PRKCI: variants seen among roughly 807,000 people sequenced by gnomAD.
PRKCI encodes the protein protein kinase C iota type.
In PRKCI, 43 loss-of-function variants were observed where a neutral mutation model predicts 84.0. The observed-to-expected ratio is 0.51, with a 90% CI of 0.40 to 0.66. PRKCI has a LOEUF of 0.66. PRKCI is among the 30% of genes least tolerant of loss of function. The pLI is 0.00. For synonymous variants in PRKCI, 216 were observed against 234.4 expected, an observed-to-expected ratio of 0.92 and a Z score of 0.72; for missense variants, 459 against 745.6, an observed-to-expected ratio of 0.62 and a Z score of 4.48.
intron 2 of PRKCI, among the ~76,000 whole-genome samples, chr3:170,242,659 A>T (rs1733165228): frequency 6.6e-6 from 1 of 151,554 alleles, no homozygotes; most frequent in Non-Finnish European, 1.5e-5. Flanking sequence ...TTCCTTTAAC[A>T]TTTCTTTTGT....
rs2108871201 is a variant in PRKCI, at chr3:170,305,907, A to G, written c.*2780A>G. 6.6e-6 allele frequency: 1 copy of G among 151,202 alleles called. No individual in the cohort carries two copies. Among genetic ancestry groups the G allele is most frequent in the South Asian group, 2.1e-4 (1 of 4,806 alleles). 9.4% of individuals were successfully genotyped at this position (151,202 alleles called of 1,614,324 possible). A position where few individuals can be genotyped will look rare whatever the true frequency, so the allele number is the denominator to read the frequency against. ...GTAGAATACTACTGTGGTCATCATA[A>G]TGTAATCTATTTCTGTACCTTTTTT... On this transcript the variant is annotated 3_prime_UTR_variant, in exon 18 of 18. Coordinates refer to ENST00000295797, the MANE Select transcript of PRKCI (RefSeq NM_002740.6).
In PRKCI at chr3:170,299,109, G is replaced by A. The variant is rs145084763; in HGVS notation, c.1702G>A (p.Asp568Asn). ...ACCTGTCCAGCTCACTCCAGATGACGAGTAAGTAATTCTGTACACTGAAAT... is the reference window on the plus strand; with the variant it reads ...ACCTGTCCAGCTCACTCCAGATGACAAGTAAGTAATTCTGTACACTGAAAT... ...NEPVQLTPDD[D>N]DIVRKIDQSE... The change falls in exon 17 of 18, where the codon GAT (aspartate) becomes AAT (asparagine). Residue 568 changes from aspartate to asparagine, a missense_variant and splice_region_variant. By Grantham distance (23) the Asp-to-Asn change is conservative (BLOSUM62 1). Transcript: ENST00000295797. 1.8e-5 allele frequency: 28 copies of A among 1,573,916 alleles called. No individual in the cohort carries two copies. In the African/African-American group the frequency reaches 3.2e-4, roughly 18 times the overall value.
chr3:170,225,486 C>T lies in PRKCI; in HGVS notation c.101+2716C>T, dbSNP rs189396958. Among the ~76,000 whole-genome samples the T allele has an allele frequency of 3.7e-3, 568 of 152,188 alleles. 3 individuals carry two copies. The highest frequency in any genetic ancestry group is 0.013 in the African/African-American group (547 of 41,544). On this transcript the variant is annotated intron_variant, in intron 1 of 17. Coordinates refer to ENST00000295797, the MANE Select transcript of PRKCI (RefSeq NM_002740.6). ...TACCAAGAAATGTGAGAACATTCTGCATTTGAAAAAGTTTTCTTTTCTCTC... is the reference window on the plus strand; with the variant it reads ...TACCAAGAAATGTGAGAACATTCTGTATTTGAAAAAGTTTTCTTTTCTCTC...
At chr3:170,230,305 A>G (rs1471643301) in intron 1 of PRKCI, among the ~76,000 whole-genome samples, 2 of 151,864 alleles carry the variant, frequency 1.3e-5, no homozygotes, top group African/African-American at 2.4e-5. Context: ...AGCTGGGATT[A>G]TAGGCGCACG....
chr3:170,240,841 C>T (rs1733112209), intron 2 of PRKCI, among the ~76,000 whole-genome samples: 1 of 152,102 alleles, frequency 6.6e-6, no homozygotes, highest in African/African-American at 2.4e-5. Flanking sequence ...GCCCTTTTTC[C>T]TTGTACTCAA....
intron 7 of PRKCI, 81 bp from the exon 8 acceptor site, chr3:170,275,148 T>A: frequency 1.4e-6 from 2 of 1,411,226 alleles, no homozygotes; most frequent in Non-Finnish European, 1.9e-6. Flanking sequence ...CAATTTTTAT[T>A]TCAAACTCAT....
At chr3:170,224,913 T>G (rs1054668603) in intron 1 of PRKCI, among the ~76,000 whole-genome samples, 24 of 152,312 alleles carry the variant, frequency 1.6e-4, no homozygotes, top group African/African-American at 4.8e-4. Flanking sequence ...ATTTTCCCAT[T>G]TGTATTAGTT....
intron 1 of PRKCI, among the ~76,000 whole-genome samples, chr3:170,224,216 G>A (rs1732572972): frequency 6.6e-6 from 1 of 151,976 alleles, no homozygotes; most frequent in African/African-American, 2.4e-5. Context: ...CTGCCATGAA[G>A]CCTCTGGCCT....
chr3:170,273,398 A>G (rs1734043651), intron 7 of PRKCI, 58 bp downstream of exon 7: 1 of 1,498,052 alleles, frequency 6.7e-7, no homozygotes, highest in Non-Finnish European at 9.3e-7. Flanking sequence ...GTAAAGACTT[A>G]CTTAGGTGAC....
intron 1 of PRKCI, 54 bp downstream of exon 1, chr3:170,222,824 G>C (rs1732524760): frequency 6.9e-7 from 1 of 1,446,144 alleles, no homozygotes; most frequent in Non-Finnish European, 9.5e-7. Flanking sequence ...GGCTCCACTC[G>C]GCCTGGAGGA....
intron 16 of PRKCI, among the ~76,000 whole-genome samples, chr3:170,298,324 A>G (rs2692239): frequency 0.7 from 105,971 of 151,832 alleles, 38,398 homozygotes; most frequent in African/African-American, 0.9. Context: ...TGAACTCCTG[A>G]GCTTAAGAGA....
intron 2 of PRKCI, among the ~76,000 whole-genome samples, chr3:170,259,387 A>T (rs563120194): frequency 6.6e-6 from 1 of 152,220 alleles, no homozygotes; most frequent in South Asian, 2.1e-4. Flanking sequence ...AAAGAAAACC[A>T]AAGAACAAAA....
intron 4 of PRKCI, 80 bp from the exon 5 acceptor site, chr3:170,267,835 A>C: frequency 3.7e-6 from 4 of 1,093,904 alleles, no homozygotes; most frequent in Non-Finnish European, 5.1e-6. Context: ...GTATCATGAA[A>C]AAATTACAGA....
chr3:170,263,814 A>AG (rs1357102697), intron 4 of PRKCI, among the ~76,000 whole-genome samples: 1 of 152,016 alleles, frequency 6.6e-6, no homozygotes, highest in East Asian at 1.9e-4. Flanking sequence ...AAAAAAAAAA[A>AG]GGAAATAGAA....
chr3:170,296,549 A>G (rs1435748597), intron 15 of PRKCI, among the ~76,000 whole-genome samples: 1 of 152,158 alleles, frequency 6.6e-6, no homozygotes, highest in Non-Finnish European at 1.5e-5. Context: ...GGTCTTGGCA[A>G]TTATAAATTC....
chr3:170,297,748 A>G lies in PRKCI; in HGVS notation c.1587+355A>G, dbSNP rs1484299700. ...TGGGATTACAGATGTGAGCCACCAC[A>G]CCCGGCCTATCTCGGGCCAAATTTT... On this transcript the variant is annotated intron_variant, in intron 16 of 17. Transcript: ENST00000295797. 3.3e-5 allele frequency among the ~76,000 whole-genome samples: 5 copies of G among 150,880 alleles called. No individual in the cohort carries two copies. In the South Asian group the frequency reaches 8.4e-4, roughly 25 times the overall value.
intron 17 of PRKCI, 110 bp downstream of exon 17, chr3:170,299,220 A>G: frequency 2.1e-6 from 1 of 482,392 alleles, no homozygotes; most frequent in Non-Finnish European, 3.4e-6. Context: ...TTTATTTTCT[A>G]TTTTATTTCA....
At position 170,297,316 on chromosome 3, in the gene PRKCI, C is replaced by T. The variant is rs762444412; in HGVS notation, c.1510C>T (p.Arg504Ter). 8 of 1,613,056 alleles carry T rather than the reference C, an allele frequency of 5.0e-6. No individual in the cohort carries two copies. Among genetic ancestry groups the T allele is most frequent in the East Asian group, 2.2e-5 (1 of 44,864 alleles). The change falls in exon 16 of 18, where the codon CGA becomes TGA. Residue 504 changes from arginine (R) to a stop codon, truncating the protein, a stop_gained. Transcript: ENST00000295797. LOFTEE classifies it high-confidence loss of function. ...KSFLNKDPKERLGCHPQTGFA... is the reference protein window; with the variant it reads ...KSFLNKDPKE ...TCTTTCACCATAGGACCCTAAGGAA[C>T]GATTGGGTTGTCATCCTCAAACAGG...
At chr3:170,245,572 A>G (rs950936291) in intron 2 of PRKCI, among the ~76,000 whole-genome samples, 1 of 152,102 alleles carries the variant, frequency 6.6e-6, no homozygotes, top group Non-Finnish European at 1.5e-5. Context: ...CCTCATTGGC[A>G]TCCCGTCTCC....
Sources: allele counts gnomAD v4.1 joint callset (sites outside exome capture counted in the v4.1 genomes callset), GRCh38; gene constraint gnomAD v4.1.1; transcripts MANE v1.5; gene names NCBI Gene and HGNC (gene_info 2026-07-23, HGNC 2026-07-21).